The following CDK10 variants were observed in gnomAD, a reference collection of about 807,000 sequenced individuals.
CDK10 encodes the protein cyclin dependent kinase 10.
CDK10 carries 55 observed loss-of-function variants against 51.0 expected under a neutral mutation model. That is an observed-to-expected ratio of 1.08 (90% confidence interval 0.87 to 1.35). The LOEUF (loss-of-function observed/expected upper bound fraction) is 1.35, where lower values mean the gene tolerates loss of function less well. Among genes scored for constraint, CDK10 ranks in the 40% most tolerant of loss-of-function variants. CDK10 has a pLI of 0.00. For synonymous variants in CDK10, 255 were observed against 199.1 expected (o/e 1.28, Z -2.36); for missense variants, 589 against 485.1 (o/e 1.21, Z -2.01).
In CDK10 at chr16:89,694,886, C is replaced by T. The variant is rs550237081; in HGVS notation, c.793-45C>T. 6 of 1,335,010 alleles carry T rather than the reference C, an allele frequency of 4.5e-6. No individual in the cohort carries two copies. In the African/African-American group the frequency reaches 6.2e-5, roughly 14 times the overall value. The allele number at this position is 1,335,010 out of a possible 1,614,324, so 82.7% of individuals were successfully genotyped here. ...CCACGCCCTCTGCGCCCGCAGCCCC[C>T]GCCCGTGCCCACGCCCTCTGCGCCT... On this transcript the variant is annotated intron_variant, in intron 10 of 12. Transcript: ENST00000353379.
At chr16:89,690,098 T>G in intron 2 of CDK10, 1 of 175,062 alleles carries the variant, frequency 5.7e-6, no homozygotes, top group Non-Finnish European at 1.2e-5. Flanking sequence ...CAACTAAAGG[T>G]TATAACAGAT....
At chr16:89,694,515 G>C (rs1289315863) in intron 9 of CDK10, 150 bp from the exon 10 acceptor site, 36 of 1,404,118 alleles carry the variant, frequency 2.6e-5, no homozygotes, top group Admixed American at 1.4e-4. Context: ...GGGAGCCAGT[G>C]GTCCCTGCCT....
chr16:89,694,427 G>A (rs1567523183), intron 9 of CDK10, 195 bp downstream of exon 9: 2 of 852,652 alleles, frequency 2.3e-6, no homozygotes, highest in Non-Finnish European at 3.7e-6. Context: ...GCTGTTCTCA[G>A]GCTGGGAGCA....
rs372073878 is a variant in CDK10 at position 89,688,155 on chromosome 16, C to T, written c.88-1097C>T. ...GGAGTGCAGTGGCGCAGTCTCGGCT[C>T]ACTGCAAGCTCCACCTCCTGGGTTC... is the stretch of plus-strand genomic sequence containing the variant. On this transcript the variant is annotated intron_variant, in intron 1 of 12. Coordinates refer to ENST00000353379, the MANE Select transcript of CDK10 (RefSeq NM_052988.5). Among the ~76,000 whole-genome samples the T allele has an allele frequency of 3.7e-4, 55 of 146,944 alleles. No individual in the cohort carries two copies. The East Asian group carries it at 5.4e-3, about 14-fold the overall frequency.
At chr16:89,692,105 G>A in intron 5 of CDK10, 5 of 597,662 alleles carry the variant, frequency 8.4e-6, no homozygotes, top group African/African-American at 7.5e-5. Context: ...TGAGGGCACT[G>A]GTTTCCTGGG....
intron 2 of CDK10, chr16:89,690,304 G>T: frequency 1.9e-6 from 1 of 530,056 alleles, no homozygotes; most frequent in Non-Finnish European, 3.4e-6. Flanking sequence ...GAACTGAGTG[G>T]CTGGAGGCCA....
intron 1 of CDK10, chr16:89,687,660 C>T: frequency 2.3e-6 from 1 of 441,346 alleles, no homozygotes; most frequent in Non-Finnish European, 4.6e-6. Flanking sequence ...GCCTCCTGGG[C>T]TCAAGTGATC....
intron 6 of CDK10, 104 bp downstream of exon 6, chr16:89,692,620 C>T (rs1049114369): frequency 1.3e-6 from 1 of 741,544 alleles, no homozygotes; most frequent in Non-Finnish European, 2.1e-6. Flanking sequence ...GCTGCAGCAG[C>T]CTGCCCGCTG....
At chr16:89,695,467 A>G (rs1224451396) in intron 12 of CDK10, 122 bp downstream of exon 12, 3 of 1,464,376 alleles carry the variant, frequency 2.0e-6, no homozygotes, top group Non-Finnish European at 2.8e-6. Flanking sequence ...CTGGGGTAAG[A>G]GGACAGGGGC....
At chr16:89,689,105 A>G in intron 1 of CDK10, 147 bp from the exon 2 acceptor site, 3 of 688,916 alleles carry the variant, frequency 4.4e-6, no homozygotes, top group Non-Finnish European at 5.1e-6. Flanking sequence ...GTCTCAAAAA[A>G]AGAAAAAAAA....
At position 89,691,798 on chromosome 16, in the gene CDK10, TC is replaced by T. The variant is rs2060462850; in HGVS notation, c.336-7del. On this transcript the variant is annotated splice_polypyrimidine_tract_variant and splice_region_variant and intron_variant, in intron 4 of 12. Transcript: ENST00000353379. ...CGGAGAGTGGCATGCATCTTCTGTT[TC>T]TTCCAGCATCTTCCTGGTGATGGGT... 6.2e-7 allele frequency: 1 copy of T among 1,613,702 alleles called. No individual in the cohort carries two copies. The highest frequency in any genetic ancestry group is 8.5e-7 in the Non-Finnish European group (1 of 1,179,694).
At chr16:89,690,373 C>CA (rs3833829) in intron 2 of CDK10, 180 bp from the exon 3 acceptor site, 86,913 of 620,878 alleles carry the variant, frequency 0.14, 7,598 homozygotes, top group Admixed American at 0.3. Flanking sequence ...GGAAACCCTC[C>CA]GGGGGAACGC....
At chr16:89,694,036 A>C in intron 8 of CDK10, 137 bp from the exon 9 acceptor site, 1 of 799,738 alleles carries the variant, frequency 1.3e-6, no homozygotes. Context: ...CTGGATCTGC[A>C]GGGCCTGGGG....
chr16:89,695,868 G>A lies in CDK10; in HGVS notation c.*176G>A, dbSNP rs578202997. ...TGCCCTGAACCCACTGCTGCCCCCA[G>A]AAAAAGGCCGGGTGACACCGGGGGG... On this transcript the variant is annotated 3_prime_UTR_variant, in exon 13 of 13. Transcript: ENST00000353379. 2.6e-4 allele frequency: 380 copies of A among 1,441,492 alleles called. No individual in the cohort carries two copies. The highest frequency in any genetic ancestry group is 3.3e-4 in the Non-Finnish European group (354 of 1,061,324). The allele number at this position is 1,441,492 out of a possible 1,614,324, so 89.3% of individuals were successfully genotyped here.
intron 8 of CDK10, chr16:89,693,951 G>A (rs529419991): frequency 2.3e-5 from 14 of 608,584 alleles, no homozygotes; most frequent in African/African-American, 7.4e-5. Context: ...CCGAGGGTCC[G>A]TGGTCCCTGC....
chr16:89,689,901 C>G (rs1227717082), intron 2 of CDK10: 1 of 154,278 alleles, frequency 6.5e-6, no homozygotes, highest in East Asian at 1.9e-4. Flanking sequence ...CCAGGCTGGT[C>G]TTGAACTTCT....
chr16:89,693,826 C>T (rs2060566752), intron 8 of CDK10: 3 of 544,168 alleles, frequency 5.5e-6, no homozygotes, highest in Non-Finnish European at 9.9e-6. Context: ...TTTAACCAAA[C>T]AGGGTCATGC....
Position 89,695,007 on chromosome 16 carries a change from CAT to C in CDK10, c.870_871del (p.Trp291AlafsTer18), listed in dbSNP as rs766960979. ...TACAACAACCTGAAGCACAAGTTCCCATGGCTGTCGGAGGCCGGGCTGCGCCT... is the reference window on the plus strand; with the variant it reads ...TACAACAACCTGAAGCACAAGTTCCCGGCTGTCGGAGGCCGGGCTGCGCCT... On this transcript the variant is annotated frameshift_variant, in exon 11 of 13. Transcript: ENST00000353379. LOFTEE classifies it high-confidence loss of function. The C allele has an allele frequency of 6.1e-5, 99 of 1,613,294 alleles. No individual in the cohort carries two copies. Among genetic ancestry groups the C allele is most frequent in the Non-Finnish European group, 6.8e-6 (8 of 1,180,036 alleles).
At chr16:89,687,952 C>A in intron 1 of CDK10, 1 of 232,922 alleles carries the variant, frequency 4.3e-6, no homozygotes, top group South Asian at 4.9e-5. Context: ...TGGCTCACAC[C>A]TGTAATCTCA....
Sources: allele counts gnomAD v4.1 joint callset (sites outside exome capture counted in the v4.1 genomes callset), GRCh38; gene constraint gnomAD v4.1.1; transcripts MANE v1.5; gene names NCBI Gene and HGNC (gene_info 2026-07-23, HGNC 2026-07-21).